Variants in RSAD1 observed in about 807,000 individuals in gnomAD.
RSAD1 encodes radical S-adenosyl methionine domain-containing protein 1, mitochondrial.
In RSAD1, 34 loss-of-function variants were observed where a neutral mutation model predicts 46.2. The observed-to-expected ratio is 0.74, with a 90% CI of 0.56 to 0.98. The LOEUF is 0.98. RSAD1 is among the 50% of genes least tolerant of loss of function. The pLI is 0.00. For missense variants in RSAD1, 635 were observed against 592.3 expected (o/e 1.07, Z -0.75); for synonymous variants, 260 against 253.5 (o/e 1.03, Z -0.24).
chr17:50,484,721 C>T (rs371808138), intron 8 of RSAD1, 23 bp from the exon 9 acceptor site: 1 of 1,605,792 alleles, frequency 6.2e-7, no homozygotes, highest in Non-Finnish European at 8.5e-7. Context: ...AAGTAGTCAC[C>T]TTCAGGCCTC....
intron 6 of RSAD1, 71 bp from the exon 7 acceptor site, chr17:50,483,635 C>A: frequency 6.3e-7 from 1 of 1,598,718 alleles, no homozygotes; most frequent in Non-Finnish European, 8.6e-7. Flanking sequence ...AAATGCATCC[C>A]AGTGTAGAAT....
In RSAD1 at chr17:50,482,229, G is replaced by T; in HGVS notation, c.613G>T (p.Val205Leu). The change falls in exon 4 of 9, where the codon GTG becomes TTG. Residue 205 changes from valine (V) to leucine (L), a missense_variant. Val to Leu is a conservative substitution (Grantham distance 32). Coordinates refer to ENST00000258955, the MANE Select transcript of RSAD1 (RefSeq NM_018346.3). ...GATGCTGGGGCTGCCGGCACAGCAG[G>T]TGGGGCCGTGGCTTGGGCAGCTGCA... ...DLMLGLPAQQ[V>L]GPWLGQLQEL... 1 of 1,569,406 alleles carries T rather than the reference G, an allele frequency of 6.4e-7. No individual in the cohort carries two copies. The highest frequency in any genetic ancestry group is 8.7e-7 in the Non-Finnish European group (1 of 1,153,702).
At position 50,482,158 on chromosome 17, in the gene RSAD1, T is replaced by C. The variant is rs1387267023; in HGVS notation, c.542T>C (p.Leu181Pro). ...THSACDALRT[L>P]AEARRLFPGR... is the part of the protein sequence containing the mutation. ...TCGGCCTGCGATGCTCTGCGGACGC[T>C]GGCAGAGGCCCGGCGCCTCTTTCCC... The change falls in exon 4 of 9, where the codon CTG (leucine) becomes CCG (proline). Residue 181 changes from leucine (L) to proline (P), a missense_variant. Physicochemically the swap from Leu to Pro is moderately conservative, Grantham distance 98. Transcript: ENST00000258955. 2.5e-6 allele frequency: 4 copies of C among 1,588,796 alleles called. No individual in the cohort carries two copies. Among genetic ancestry groups the C allele is most frequent in the East Asian group, 4.5e-5 (2 of 44,322 alleles).
intron 3 of RSAD1, 99 bp downstream of exon 3, chr17:50,480,183 C>A: frequency 7.9e-7 from 1 of 1,268,234 alleles, no homozygotes; most frequent in Non-Finnish European, 1.1e-6. Context: ...GATTGAGCAC[C>A]TTCTGGGTGC....
chr17:50,479,171 C>CTT (rs1306795236), intron 1 of RSAD1, 152 bp downstream of exon 1: 1 of 847,004 alleles, frequency 1.2e-6, no homozygotes, highest in African/African-American at 1.8e-5. Context: ...GGACCCTGTG[C>CTT]TTTGGCAGGG....
Position 50,479,724 on chromosome 17 carries a change from CGAA to C in RSAD1, c.233_235del (p.Glu78del). The C allele has an allele frequency of 6.2e-7, 1 of 1,612,866 alleles. No individual in the cohort carries two copies. Among genetic ancestry groups the C allele is most frequent in the Non-Finnish European group, 8.5e-7 (1 of 1,179,402 alleles). On this transcript the variant is annotated inframe_deletion, in exon 2 of 9. Coordinates refer to ENST00000258955, the MANE Select transcript of RSAD1 (RefSeq NM_018346.3). ...CTGCCATGCAGAAGTGTCTGGTGAC[CGAA>C]GCTCAGACGCTGCTGCGGCTCAGCG...
intron 3 of RSAD1, chr17:50,480,686 C>G (rs2033370774): frequency 6.5e-6 from 1 of 154,782 alleles, no homozygotes; most frequent in East Asian, 1.9e-4. Context: ...GGGTTTTGTC[C>G]TAGTAATGAT....
intron 7 of RSAD1, 106 bp downstream of exon 7, chr17:50,483,866 G>A: frequency 6.2e-6 from 7 of 1,132,190 alleles, no homozygotes; most frequent in Non-Finnish European, 8.7e-6. Flanking sequence ...ATTTCTGTGA[G>A]ATTGGCAGCT....
At position 50,482,673 on chromosome 17, in the gene RSAD1, T is replaced by C. The variant is rs139217297; in HGVS notation, c.871T>C (p.Trp291Arg). ...GCTCAGTACCCACAATTGGACTTACTGGCAGTGTGGTCAGTACCTTGGCGT... is the reference window on the plus strand; with the variant it reads ...GCTCAGTACCCACAATTGGACTTACCGGCAGTGTGGTCAGTACCTTGGCGT... ...GALSTHNWTY[W>R]QCGQYLGVGP... The change falls in exon 5 of 9, where the codon TGG becomes CGG. Residue 291 changes from tryptophan to arginine, a missense_variant. Physicochemically the swap from Trp to Arg is moderately radical, Grantham distance 101 (BLOSUM62 -3). Transcript: ENST00000258955. 255 of 1,614,196 alleles carry C rather than the reference T, an allele frequency of 1.6e-4. 5 individuals carry two copies. In the South Asian group the frequency reaches 2.0e-3, roughly 13 times the overall value.
chr17:50,485,222 G>T lies in RSAD1; in HGVS notation c.*361G>T. 1 of 254,244 alleles carries T rather than the reference G, an allele frequency of 3.9e-6. No homozygotes were observed. The highest frequency in any genetic ancestry group is 7.6e-6 in the Non-Finnish European group (1 of 131,438). The allele number at this position is 254,244 out of a possible 1,614,324, so 15.7% of individuals were successfully genotyped here. A position where few individuals can be genotyped will look rare whatever the true frequency, so the allele number is the denominator to read the frequency against. Reference sequence around the variant, plus strand: ...GAAGCCTTCCTTATTTTGGAGTAAGGTCCTAAGATAGCTGGATGAATCAGG... The same window carrying T: ...GAAGCCTTCCTTATTTTGGAGTAAGTTCCTAAGATAGCTGGATGAATCAGG... On this transcript the variant is annotated 3_prime_UTR_variant, in exon 9 of 9. Coordinates refer to ENST00000258955, the MANE Select transcript of RSAD1 (RefSeq NM_018346.3).
chr17:50,481,938 G>A (rs1449282720), intron 3 of RSAD1, among the ~76,000 whole-genome samples, 153 bp from the exon 4 acceptor site: 1 of 152,186 alleles, frequency 6.6e-6, no homozygotes, highest in Non-Finnish European at 1.5e-5. Context: ...TTCTGTGAAT[G>A]GCAGCTCTTG....
rs759078691 is a variant in RSAD1 at position 50,479,919 on chromosome 17, A to T, written c.309A>T (p.Leu103=). The part of the protein sequence containing the change: ...SVFFGGGTPS[L]ASPHTVAAVL... ...TCTTTGGTGGGGGGACCCCCAGTCT[A>T]GCCAGTCCCCACACGGTGGCTGCTG... The change falls in exon 3 of 9, where the codon CTA becomes CTT. Residue 103 remains leucine (L), a synonymous_variant. Coordinates refer to ENST00000258955, the MANE Select transcript of RSAD1 (RefSeq NM_018346.3). 1.2e-6 allele frequency: 2 copies of T among 1,614,138 alleles called. No homozygotes were observed. Among genetic ancestry groups the T allele is most frequent in the East Asian group, 4.5e-5 (2 of 44,878 alleles).
At position 50,482,319 on chromosome 17, in the gene RSAD1, G is replaced by A. The variant is rs912678249; in HGVS notation, c.703G>A (p.Ala235Thr). ...LYQLSLERGT[A>T]LFAQVQRGAL... Reference sequence around the variant, plus strand: ...CCAGCTGTCCCTGGAGCGGGGCACCGCACTCTTCGCCCAGGTGCAGCGGGG... The same window carrying A: ...CCAGCTGTCCCTGGAGCGGGGCACCACACTCTTCGCCCAGGTGCAGCGGGG... The change falls in exon 4 of 9, where the codon GCA (alanine) becomes ACA (threonine). Residue 235 changes from alanine to threonine, a missense_variant. Physicochemically the swap from Ala to Thr is moderately conservative, Grantham distance 58 (BLOSUM62 0). Transcript: ENST00000258955. The A allele has an allele frequency of 3.7e-6, 6 of 1,611,366 alleles. No individual in the cohort carries two copies. Among genetic ancestry groups the A allele is most frequent in the Non-Finnish European group, 5.1e-6 (6 of 1,178,608 alleles).
At chr17:50,480,184 T>TGC in intron 3 of RSAD1, 100 bp downstream of exon 3, 1 of 1,260,362 alleles carries the variant, frequency 7.9e-7, no homozygotes, top group Non-Finnish European at 1.2e-6. Flanking sequence ...ATTGAGCACC[T>TGC]TCTGGGTGCC....
chr17:50,478,989 T>C lies in RSAD1; in HGVS notation c.105T>C (p.Pro35=). The change falls in exon 1 of 9, where the codon CCT becomes CCC. Residue 35 remains proline, a synonymous_variant. Transcript: ENST00000258955. The part of the protein sequence containing the change: ...ENAGGSPSPE[P]AGRRAALYVH... ...CAGGAGGGTCCCCGAGTCCTGAGCCTGCGGGCCGGCGCGCGGCGCTTTACG... is the reference window on the plus strand; with the variant it reads ...CAGGAGGGTCCCCGAGTCCTGAGCCCGCGGGCCGGCGCGCGGCGCTTTACG... 2 of 1,384,932 alleles carry C rather than the reference T, an allele frequency of 1.4e-6. No individual in the cohort carries two copies. The highest frequency in any genetic ancestry group is 9.3e-7 in the Non-Finnish European group (1 of 1,075,060). The allele number at this position is 1,384,932 out of a possible 1,614,324, so 85.8% of individuals were successfully genotyped here.
chr17:50,479,082 G>T (rs541809437), intron 1 of RSAD1, 63 bp downstream of exon 1: 3 of 1,270,818 alleles, frequency 2.4e-6, no homozygotes, highest in Non-Finnish European at 3.0e-6. Context: ...GACCGTGGCC[G>T]TCCAAAACCC....
chr17:50,478,862 T>C lies in RSAD1; in HGVS notation c.-23T>C. 1 of 1,216,768 alleles carries C rather than the reference T, an allele frequency of 8.2e-7. No homozygotes were observed. Among genetic ancestry groups the C allele is most frequent in the Middle Eastern group, 3.2e-4 (1 of 3,094 alleles). 75.4% of individuals were successfully genotyped at this position (1,216,768 alleles called of 1,614,324 possible). ...TGCGCGCGTCTCCTGCTCGGGTCAG[T>C]GCGCCGCGCTGCGCTGGGCGCCATG... On this transcript the variant is annotated 5_prime_UTR_variant, in exon 1 of 9. Coordinates refer to ENST00000258955, the MANE Select transcript of RSAD1 (RefSeq NM_018346.3).
chr17:50,480,338 G>A (rs1333411554), intron 3 of RSAD1: 7 of 516,070 alleles, frequency 1.4e-5, no homozygotes, highest in African/African-American at 9.6e-5. Context: ...CATAGTAGGT[G>A]GTCAAAAAAG....
rs2033414324 is a variant in RSAD1 at position 50,483,723 on chromosome 17, C to T, written c.1070C>T (p.Ala357Val). 6.2e-7 allele frequency: 1 copy of T among 1,613,004 alleles called. No individual in the cohort carries two copies. The highest frequency in any genetic ancestry group is 2.2e-5 in the East Asian group (1 of 44,852). ...TCTTTGAGGCTGGAGGAAGTTTTGG[C>T]CCTGGGGCTACGCACCGATGTGGGG... The part of the protein sequence containing the change: ...GRLELLEEVL[A>V]LGLRTDVGIT... The change falls in exon 7 of 9, where the codon GCC becomes GTC. Residue 357 changes from alanine (A) to valine (V), a missense_variant. Physicochemically the swap from Ala to Val is moderately conservative, Grantham distance 64. Transcript: ENST00000258955.
Sources: gnomAD v4.1 joint callset for allele counts (sites outside exome capture counted in the v4.1 genomes callset) on GRCh38, gnomAD v4.1.1 for gene constraint, MANE v1.5 for transcripts, NCBI Gene and HGNC (gene_info 2026-07-23, HGNC 2026-07-21) for gene names.